The following KCNQ3 variants were observed in gnomAD, a reference collection of about 807,000 sequenced individuals.
KCNQ3 encodes potassium voltage-gated channel subfamily Q member 3.
Under a neutral mutation model 92.5 loss-of-function variants are expected in KCNQ3, and 30 were observed. The observed-to-expected ratio is 0.32, with a 90% confidence interval of 0.24 to 0.44. The LOEUF (loss-of-function observed/expected upper bound fraction) is 0.44. Ranked by LOEUF, KCNQ3 falls within the 20% of genes least tolerant of loss-of-function variation. The pLI, the probability that KCNQ3 is intolerant of heterozygous loss-of-function variation, is 1.00. For synonymous variants in KCNQ3, 450 were observed against 468.8 expected (o/e 0.96, Z 0.52); for missense variants, 913 against 1,140.3 (o/e 0.80, Z 2.87).
At chr8:132,401,785 T>A (rs1040630139) in intron 1 of KCNQ3, among the ~76,000 whole-genome samples, 4 of 152,194 alleles carry the variant, frequency 2.6e-5, no homozygotes, top group African/African-American at 9.7e-5. Flanking sequence ...TCAGTGCTGA[T>A]GCAAAACGAA....
chr8:132,364,358 G>A (rs567035339), intron 1 of KCNQ3, among the ~76,000 whole-genome samples: 5 of 152,276 alleles, frequency 3.3e-5, no homozygotes, highest in East Asian at 3.9e-4. Flanking sequence ...ATAACAAATA[G>A]CTTACTGCTC....
At chr8:132,290,852 T>A (rs920542155) in intron 1 of KCNQ3, among the ~76,000 whole-genome samples, 1 of 152,074 alleles carries the variant, frequency 6.6e-6, no homozygotes, top group African/African-American at 2.4e-5. Context: ...CCTGGAAGAA[T>A]ACTCGAGTCC....
chr8:132,353,530 G>C (rs1301845024), intron 1 of KCNQ3, among the ~76,000 whole-genome samples: 1 of 152,152 alleles, frequency 6.6e-6, no homozygotes, highest in Non-Finnish European at 1.5e-5. Context: ...ACTGTAATTT[G>C]ATTAAACAAT....
intron 10 of KCNQ3, chr8:132,140,388 A>G (rs1390786148): frequency 1.8e-6 from 1 of 563,688 alleles, no homozygotes; most frequent in East Asian, 3.0e-5. Context: ...GTCCAAGTCA[A>G]AAGTGTGCGC....
At chr8:132,324,075 T>A (rs1817972000) in intron 1 of KCNQ3, among the ~76,000 whole-genome samples, 1 of 152,190 alleles carries the variant, frequency 6.6e-6, no homozygotes. Flanking sequence ...CATATCTTAG[T>A]TCTTCATGCT....
At chr8:132,333,914 G>C (rs559956425) in intron 1 of KCNQ3, among the ~76,000 whole-genome samples, 7 of 151,876 alleles carry the variant, frequency 4.6e-5, no homozygotes, top group Non-Finnish European at 2.9e-5. Flanking sequence ...CTGTACTTTA[G>C]TAGAGACAGG....
intron 1 of KCNQ3, among the ~76,000 whole-genome samples, chr8:132,202,255 T>C (rs1013214822): frequency 6.6e-6 from 1 of 152,156 alleles, no homozygotes; most frequent in South Asian, 2.1e-4. Flanking sequence ...GTCCTAGATT[T>C]TGAAGATCTG....
chr8:132,368,426 G>A (rs866985528), intron 1 of KCNQ3, among the ~76,000 whole-genome samples: 5 of 152,222 alleles, frequency 3.3e-5, no homozygotes, highest in Non-Finnish European at 1.5e-5. Context: ...GCTAAGGCAG[G>A]AGGATCACTT....
At chr8:132,229,753 T>G (rs527916625) in intron 1 of KCNQ3, among the ~76,000 whole-genome samples, 3 of 151,886 alleles carry the variant, frequency 2.0e-5, no homozygotes, top group African/African-American at 7.3e-5. Context: ...CCAAGAGGCA[T>G]GTTCTTGTCA....
chr8:132,430,953 A>C (rs1272067992), intron 1 of KCNQ3, among the ~76,000 whole-genome samples: 2 of 152,098 alleles, frequency 1.3e-5, no homozygotes, highest in African/African-American at 2.4e-5. Context: ...CTGGCTGCCA[A>C]CCTGGGGGTT....
chr8:132,403,723 C>T (rs560027348), intron 1 of KCNQ3, among the ~76,000 whole-genome samples: 35 of 152,334 alleles, frequency 2.3e-4, no homozygotes, highest in African/African-American at 8.2e-4. Context: ...TCCTCTGGCA[C>T]ACACAGCCCC....
intron 1 of KCNQ3, among the ~76,000 whole-genome samples, chr8:132,308,076 G>C (rs1365988398): frequency 6.6e-6 from 1 of 152,160 alleles, no homozygotes; most frequent in African/African-American, 2.4e-5. Context: ...GCCCAGCAGG[G>C]AGCTGCAGGC....
chr8:132,310,447 G>A (rs1817561202), intron 1 of KCNQ3, among the ~76,000 whole-genome samples: 1 of 152,350 alleles, frequency 6.6e-6, no homozygotes, highest in South Asian at 2.1e-4. Flanking sequence ...GCGGGGCAAA[G>A]CGCCCCACTG....
intron 1 of KCNQ3, among the ~76,000 whole-genome samples, chr8:132,200,794 A>G (rs753569910): frequency 3.9e-5 from 6 of 152,164 alleles, no homozygotes; most frequent in Non-Finnish European, 8.8e-5. Flanking sequence ...TGACTGCCTT[A>G]TCTTCTCCTT....
intron 1 of KCNQ3, among the ~76,000 whole-genome samples, chr8:132,449,588 G>C (rs1171644070): frequency 6.6e-6 from 1 of 151,990 alleles, no homozygotes. Context: ...ATTCCCTCTG[G>C]AGCCCTCAGA....
At chr8:132,435,937 G>A (rs577515191) in intron 1 of KCNQ3, among the ~76,000 whole-genome samples, 1 of 152,228 alleles carries the variant, frequency 6.6e-6, no homozygotes, top group African/African-American at 2.4e-5. Context: ...CAGCTTCCAC[G>A]GTCCTGCCCC....
chr8:132,135,510 C>T (rs1010839025), intron 12 of KCNQ3, among the ~76,000 whole-genome samples: 2 of 152,160 alleles, frequency 1.3e-5, no homozygotes, highest in Non-Finnish European at 2.9e-5. Flanking sequence ...CCCGCAAGGT[C>T]AGCATGGCTG....
chr8:132,137,788 C>T, intron 12 of KCNQ3, 97 bp downstream of exon 12: 2 of 1,438,200 alleles, frequency 1.4e-6, no homozygotes. Flanking sequence ...AAATCTCTCC[C>T]TGCATTTTGA....
intron 9 of KCNQ3, among the ~76,000 whole-genome samples, chr8:132,161,580 C>T (rs1430668305): frequency 1.3e-5 from 2 of 150,964 alleles, no homozygotes; most frequent in African/African-American, 2.4e-5. Flanking sequence ...TTCAGTGAGC[C>T]GAGACTGTGC....
Sources: allele counts gnomAD v4.1 joint callset (sites outside exome capture counted in the v4.1 genomes callset), GRCh38; gene constraint gnomAD v4.1.1; transcripts MANE v1.5; gene names NCBI Gene and HGNC (gene_info 2026-07-23, HGNC 2026-07-21).